SLC38A1: variants seen among roughly 807,000 people sequenced by gnomAD.
The protein encoded by SLC38A1 is sodium-coupled neutral amino acid symporter 1.
SLC38A1 carries 18 observed loss-of-function variants against 60.3 expected under a neutral mutation model. That is an observed-to-expected ratio of 0.30 (90% confidence interval 0.21 to 0.44). SLC38A1 has a LOEUF of 0.44. Ranked by LOEUF, SLC38A1 falls within the 20% of genes least tolerant of loss-of-function variation. SLC38A1 has a pLI of 1.00. For missense variants in SLC38A1, 448 were observed against 587.2 expected (o/e 0.76, Z 2.45); for synonymous variants, 196 against 212.1 (o/e 0.92, Z 0.66).
intron 7 of SLC38A1, 133 bp from the exon 8 acceptor site, chr12:46,207,369 AT>A: frequency 9.6e-7 from 1 of 1,041,406 alleles, no homozygotes; most frequent in South Asian, 1.5e-5. Context: ...CTCTAGCAGG[AT>A]TTGTGGCTTT....
chr12:46,229,073 T>A, intron 5 of SLC38A1, 80 bp downstream of exon 5: 1 of 744,768 alleles, frequency 1.3e-6, no homozygotes, highest in Non-Finnish European at 2.2e-6. Context: ...TATAAATATT[T>A]CACATTTCTT....
At chr12:46,237,764 G>T (rs1478128900) in intron 3 of SLC38A1, among the ~76,000 whole-genome samples, 2 of 151,790 alleles carry the variant, frequency 1.3e-5, no homozygotes, top group African/African-American at 2.4e-5. Context: ...CACCTTTAAG[G>T]CCCTTGAGGT....
At chr12:46,207,645 A>T (rs1261103736) in intron 6 of SLC38A1, 24 bp from the exon 7 acceptor site, 3 of 1,599,382 alleles carry the variant, frequency 1.9e-6, no homozygotes, top group Non-Finnish European at 2.6e-6. Context: ...AAATTTGAGA[A>T]CACAAGAAAT....
intron 1 of SLC38A1, among the ~76,000 whole-genome samples, chr12:46,249,892 C>T (rs1238503156): frequency 2.0e-5 from 3 of 152,170 alleles, no homozygotes; most frequent in Admixed American, 6.5e-5. Context: ...GATTCACAGA[C>T]GAACTCTACC....
At chr12:46,223,230 T>G (rs1940728262) in intron 5 of SLC38A1, among the ~76,000 whole-genome samples, 1 of 152,176 alleles carries the variant, frequency 6.6e-6, no homozygotes, top group African/African-American at 2.4e-5. Context: ...GGTAAGTTAT[T>G]AAGCCTCAGT....
At chr12:46,260,766 C>A (rs952280504) in intron 1 of SLC38A1, among the ~76,000 whole-genome samples, 2 of 152,154 alleles carry the variant, frequency 1.3e-5, no homozygotes, top group African/African-American at 4.8e-5. Context: ...CCAAGTCCTG[C>A]CAACATTCCT....
chr12:46,220,000 G>A (rs1201846053), intron 5 of SLC38A1, among the ~76,000 whole-genome samples: 1 of 152,180 alleles, frequency 6.6e-6, no homozygotes, highest in African/African-American at 2.4e-5. Flanking sequence ...TAAGAGAATT[G>A]AATTCTTAGA....
chr12:46,230,733 A>G (rs1279729711), intron 3 of SLC38A1, among the ~76,000 whole-genome samples: 6 of 152,250 alleles, frequency 3.9e-5, no homozygotes, highest in Non-Finnish European at 7.3e-5. Flanking sequence ...TCAAAACTTT[A>G]TAGCCTAAAT....
At chr12:46,229,481 G>A in intron 4 of SLC38A1, 83 bp downstream of exon 4, 1 of 1,084,758 alleles carries the variant, frequency 9.2e-7, no homozygotes, top group South Asian at 1.3e-5. Context: ...TATGCTTTTG[G>A]TACTATGCTA....
chr12:46,256,159 C>G (rs1034616387), intron 1 of SLC38A1, among the ~76,000 whole-genome samples: 3 of 118,456 alleles, frequency 2.5e-5, no homozygotes, highest in African/African-American at 3.6e-5. Flanking sequence ...GAGAGAGGTT[C>G]TATCTCAAAA....
intron 16 of SLC38A1, among the ~76,000 whole-genome samples, chr12:46,192,984 TG>T (rs1025329556): frequency 5.9e-5 from 9 of 152,194 alleles, no homozygotes; most frequent in African/African-American, 2.2e-4. Flanking sequence ...CTTTTGAATT[TG>T]TTTGCTTTCG....
At chr12:46,262,290 A>G (rs1942221343) in intron 1 of SLC38A1, among the ~76,000 whole-genome samples, 1 of 152,224 alleles carries the variant, frequency 6.6e-6, no homozygotes, top group Admixed American at 6.5e-5. Context: ...AAACAATTCC[A>G]ATTTATTCAA....
intron 1 of SLC38A1, among the ~76,000 whole-genome samples, chr12:46,256,634 C>CAGAGAGAGAGAGAGAGAGAG (rs538542582): frequency 2.0e-5 from 1 of 50,900 alleles, no homozygotes; most frequent in South Asian, 6.9e-4. Flanking sequence ...CACACACACA[C>CAGAGAGAGAGAGAGAGAGAG]ACAGAGAGAG....
intron 16 of SLC38A1, among the ~76,000 whole-genome samples, chr12:46,195,057 C>T (rs1316279859): frequency 6.6e-6 from 1 of 152,198 alleles, no homozygotes; most frequent in Non-Finnish European, 1.5e-5. Flanking sequence ...TGGTTTCTCT[C>T]CCCATCTTTG....
chr12:46,189,478 G>A (rs1229688896), intron 16 of SLC38A1, among the ~76,000 whole-genome samples: 1 of 152,102 alleles, frequency 6.6e-6, no homozygotes, highest in African/African-American at 2.4e-5. Context: ...TCACTGGCAA[G>A]CAAACATTTC....
At chr12:46,245,778 C>G (rs1053383955) in intron 1 of SLC38A1, among the ~76,000 whole-genome samples, 2 of 152,150 alleles carry the variant, frequency 1.3e-5, no homozygotes, top group African/African-American at 4.8e-5. Flanking sequence ...CACATACTCA[C>G]TGTAGAATCT....
At chr12:46,226,330 AGAG>A (rs1238316842) in intron 5 of SLC38A1, among the ~76,000 whole-genome samples, 1 of 152,172 alleles carries the variant, frequency 6.6e-6, no homozygotes, top group Non-Finnish European at 1.5e-5. Context: ...TAGAATCCTC[AGAG>A]AAGATATTGA....
intron 5 of SLC38A1, among the ~76,000 whole-genome samples, chr12:46,227,983 A>T (rs982864932): frequency 6.6e-6 from 1 of 152,096 alleles, no homozygotes; most frequent in Admixed American, 6.6e-5. Flanking sequence ...CACCATAGAA[A>T]TATGTTGTCC....
chr12:46,249,767 AC>A (rs1267125527), intron 1 of SLC38A1, among the ~76,000 whole-genome samples: 2 of 152,134 alleles, frequency 1.3e-5, no homozygotes, highest in Non-Finnish European at 2.9e-5. Context: ...GGGCACATAC[AC>A]CCTCTCAACA....
Sources: gnomAD v4.1 joint callset for allele counts (sites outside exome capture counted in the v4.1 genomes callset) on GRCh38, gnomAD v4.1.1 for gene constraint, MANE v1.5 for transcripts, NCBI Gene and HGNC (gene_info 2026-07-23, HGNC 2026-07-21) for gene names.